The following CHD6 variants were observed in gnomAD, a reference collection of about 807,000 sequenced individuals.
The protein encoded by CHD6 is chromodomain helicase DNA binding protein 6.
CHD6 carries 50 observed loss-of-function variants against 276.9 expected under a neutral mutation model. That is an observed-to-expected ratio of 0.18 (90% CI 0.14 to 0.23). CHD6 has a LOEUF of 0.23. Ranked by LOEUF, CHD6 falls within the 10% of genes least tolerant of loss-of-function variation. CHD6 has a pLI of 1.00. For missense variants in CHD6, 2,564 were observed against 3,365.8 expected (o/e 0.76, Z 5.89); for synonymous variants, 1,173 against 1,229.3 (o/e 0.95, Z 0.96).
intron 14 of CHD6, among the ~76,000 whole-genome samples, chr20:41,486,729 T>C (rs1461392855): frequency 2.0e-5 from 3 of 152,176 alleles, no homozygotes; most frequent in Non-Finnish European, 4.4e-5. Context: ...TTCAACATCT[T>C]CCCACAATAT....
intron 24 of CHD6, among the ~76,000 whole-genome samples, chr20:41,447,622 C>T (rs963557546): frequency 6.6e-6 from 1 of 152,078 alleles, no homozygotes; most frequent in African/African-American, 2.4e-5. Flanking sequence ...AAATTTATAA[C>T]ACTTTTGAGG....
At chr20:41,522,721 A>G (rs1478679950) in intron 3 of CHD6, among the ~76,000 whole-genome samples, 2 of 152,018 alleles carry the variant, frequency 1.3e-5, no homozygotes, top group African/African-American at 4.8e-5. Flanking sequence ...ATATATACAT[A>G]TATACACTTT....
At chr20:41,512,347 G>A (rs2044139655) in intron 5 of CHD6, among the ~76,000 whole-genome samples, 2 of 152,038 alleles carry the variant, frequency 1.3e-5, no homozygotes, top group Admixed American at 1.3e-4. Flanking sequence ...GTTGTGGTAA[G>A]TGCTTTAAGG....
chr20:41,571,329 C>T (rs2045413727), intron 1 of CHD6, among the ~76,000 whole-genome samples: 1 of 151,580 alleles, frequency 6.6e-6, no homozygotes, highest in Non-Finnish European at 1.5e-5. Context: ...GTGTAAGTTG[C>T]TCTACTGACG....
chr20:41,543,435 A>T (rs1219790040), intron 2 of CHD6, among the ~76,000 whole-genome samples: 2 of 152,162 alleles, frequency 1.3e-5, no homozygotes, highest in Non-Finnish European at 2.9e-5. Context: ...TTTTGTTTCC[A>T]TCACCCATTC....
At chr20:41,492,835 T>A (rs775152877) in intron 10 of CHD6, among the ~76,000 whole-genome samples, 3 of 152,184 alleles carry the variant, frequency 2.0e-5, no homozygotes, top group Admixed American at 2.0e-4. Flanking sequence ...GCAGGAGAAT[T>A]GCTTGAACTC....
intron 25 of CHD6, among the ~76,000 whole-genome samples, chr20:41,441,596 C>T (rs1274102130): frequency 6.6e-6 from 1 of 152,202 alleles, no homozygotes; most frequent in Non-Finnish European, 1.5e-5. Flanking sequence ...GAGCAAGCTG[C>T]GACCCTCCCT....
chr20:41,542,463 C>T (rs1313122609), intron 2 of CHD6, among the ~76,000 whole-genome samples: 2 of 152,094 alleles, frequency 1.3e-5, no homozygotes, highest in East Asian at 1.9e-4. Context: ...GAGGCCAAGG[C>T]GGGTGGATCC....
chr20:41,612,401 T>C (rs2045895660), intron 1 of CHD6, among the ~76,000 whole-genome samples: 1 of 152,192 alleles, frequency 6.6e-6, no homozygotes. Context: ...TTAAGCAAAA[T>C]ACCCCTAAAT....
chr20:41,458,600 TCACA>T (rs910991556), intron 17 of CHD6, among the ~76,000 whole-genome samples: 26 of 152,110 alleles, frequency 1.7e-4, no homozygotes, highest in African/African-American at 6.0e-4. Flanking sequence ...ATACACATAC[TCACA>T]CAGATATAGA....
chr20:41,480,168 C>A (rs2043262045), intron 16 of CHD6, among the ~76,000 whole-genome samples: 1 of 152,082 alleles, frequency 6.6e-6, no homozygotes, highest in African/African-American at 2.4e-5. Flanking sequence ...ACAAGAAGAT[C>A]TGATTTAAGA....
intron 10 of CHD6, 151 bp downstream of exon 10, chr20:41,493,386 TG>T (rs1474594050): frequency 1.5e-5 from 11 of 745,684 alleles, no homozygotes; most frequent in Non-Finnish European, 6.5e-6. Flanking sequence ...CGATCTGGGG[TG>T]GAAAACACTG....
In CHD6 at chr20:41,404,604, C is replaced by T. The variant is rs1047269026; in HGVS notation, c.8137G>A (p.Asp2713Asn). The T allele has an allele frequency of 2.7e-6, 4 of 1,479,736 alleles. No individual in the cohort carries two copies. The highest frequency in any genetic ancestry group is 4.6e-5 in the East Asian group (2 of 43,576). 91.7% of individuals were successfully genotyped at this position (1,479,736 alleles called of 1,614,324 possible). Residue 2713 changes from aspartate to asparagine, a missense_variant, in exon 37 of 37, where the codon GAC (aspartate) becomes AAC (asparagine). Asp to Asn is a conservative substitution (Grantham distance 23, BLOSUM62 1). Transcript: ENST00000373233. Reference protein sequence around the residue: ...GEGALKDSNNDTN With the variant: ...GEGALKDSNNNTN ...AAATGAAAAAAGTTCTAATTGGTGT[C>T]GTTGTTGGAGTCTTTGAGTGCCCCC...
intron 36 of CHD6, among the ~76,000 whole-genome samples, chr20:41,406,603 T>A (rs2046683138): frequency 6.6e-6 from 1 of 152,210 alleles, no homozygotes. Context: ...CCCTGGAGCG[T>A]AAACAAACCA....
At chr20:41,582,896 C>T (rs1377230278) in intron 1 of CHD6, among the ~76,000 whole-genome samples, 3 of 151,936 alleles carry the variant, frequency 2.0e-5, no homozygotes, top group Middle Eastern at 3.2e-3. Flanking sequence ...AGGAAGTAAT[C>T]GAACTTGAAG....
chr20:41,538,179 CCTAT>C (rs1438752102), intron 2 of CHD6, among the ~76,000 whole-genome samples: 3 of 151,990 alleles, frequency 2.0e-5, no homozygotes, highest in Non-Finnish European at 2.9e-5. Flanking sequence ...GGTGAAACTC[CCTAT>C]CTACTAAGAA....
intron 8 of CHD6, 129 bp downstream of exon 8, chr20:41,497,248 AAATCAGC>A (rs1423782197): frequency 4.5e-6 from 3 of 668,334 alleles, no homozygotes; most frequent in Admixed American, 2.3e-5. Flanking sequence ...GTTTTGTTGC[AAATCAGC>A]ACACATTTAT....
intron 24 of CHD6, 85 bp from the exon 25 acceptor site, chr20:41,445,853 TGA>T (rs1341861788): frequency 1.3e-6 from 1 of 772,760 alleles, no homozygotes; most frequent in Non-Finnish European, 2.3e-6. Context: ...ACTGGCATGC[TGA>T]GATGCTAAAG....
chr20:41,431,899 C>T (rs2047553267), intron 27 of CHD6, among the ~76,000 whole-genome samples: 1 of 151,692 alleles, frequency 6.6e-6, no homozygotes, highest in South Asian at 2.1e-4. Flanking sequence ...TGGCTCACGC[C>T]TGTAATCCCA....
Sources: gnomAD v4.1 joint callset for allele counts (sites outside exome capture counted in the v4.1 genomes callset) on GRCh38, gnomAD v4.1.1 for gene constraint, MANE v1.5 for transcripts, NCBI Gene and HGNC (gene_info 2026-07-23, HGNC 2026-07-21) for gene names.